Variants in FOXN2 observed in about 807,000 individuals in gnomAD.
The protein encoded by FOXN2 is forkhead box N2.
FOXN2 carries 19 observed loss-of-function variants against 41.2 expected under a neutral mutation model. The ratio of observed to expected loss-of-function variants is 0.46; its 90% CI spans 0.32 to 0.68. The LOEUF (loss-of-function observed/expected upper bound fraction) is 0.68. FOXN2 is among the 30% of genes least tolerant of loss of function. The pLI is 0.03. For synonymous variants in FOXN2, 195 were observed against 176.8 expected (o/e 1.10, Z -0.82); for missense variants, 587 against 509.4 (o/e 1.15, Z -1.47).
At position 48,375,289 on chromosome 2, in the gene FOXN2, C is replaced by T. The variant is rs201814453; in HGVS notation, c.1142C>T (p.Ser381Leu). 3.7e-6 allele frequency: 6 copies of T among 1,613,882 alleles called. No homozygotes were observed. The highest frequency in any genetic ancestry group is 5.1e-6 in the Non-Finnish European group (6 of 1,179,946). Residue 381 changes from serine (S) to leucine (L), a missense_variant, in exon 7 of 7, where the codon TCA becomes TTA. Ser to Leu is a moderately radical substitution (Grantham distance 145, BLOSUM62 -2). Coordinates refer to ENST00000340553, the MANE Select transcript of FOXN2 (RefSeq NM_002158.4). Reference sequence around the variant, plus strand: ...GCAAAAATCTCTGAAAAAGGGCAGTCAGGCAAAAAGATGCGAAAACAGACA... The same window carrying T: ...GCAAAAATCTCTGAAAAAGGGCAGTTAGGCAAAAAGATGCGAAAACAGACA... ...PCAKISEKGQ[S>L]GKKMRKQTCQ...
intron 5 of FOXN2, among the ~76,000 whole-genome samples, chr2:48,363,485 T>C (rs1467263553): frequency 6.6e-6 from 1 of 152,206 alleles, no homozygotes; most frequent in Non-Finnish European, 1.5e-5. Context: ...GTACACTGTT[T>C]ATAAAGTCTA....
intron 3 of FOXN2, among the ~76,000 whole-genome samples, chr2:48,357,876 A>G (rs1348244596): frequency 6.6e-6 from 1 of 151,866 alleles, no homozygotes; most frequent in Non-Finnish European, 1.5e-5. Flanking sequence ...AAAAAAAAAA[A>G]AAAAAGAAAA....
intron 6 of FOXN2, among the ~76,000 whole-genome samples, chr2:48,373,947 C>G (rs558209349): frequency 1.3e-5 from 2 of 151,840 alleles, no homozygotes; most frequent in Admixed American, 1.3e-4. Flanking sequence ...CCCAGCTACT[C>G]AGGAGGCTGA....
At chr2:48,360,308 T>C (rs1045686429) in intron 4 of FOXN2, among the ~76,000 whole-genome samples, 1 of 152,156 alleles carries the variant, frequency 6.6e-6, no homozygotes, top group East Asian at 1.9e-4. Context: ...GGCTAACTTG[T>C]TTTTTGAAAA....
chr2:48,334,049 GT>G (rs1378575287), intron 2 of FOXN2, among the ~76,000 whole-genome samples: 1 of 151,950 alleles, frequency 6.6e-6, no homozygotes, highest in Non-Finnish European at 1.5e-5. Flanking sequence ...TGGAAGTAAG[GT>G]TTTTTTGGTA....
chr2:48,370,251 G>C (rs1000203022), intron 5 of FOXN2, among the ~76,000 whole-genome samples: 11 of 152,112 alleles, frequency 7.2e-5, no homozygotes, highest in African/African-American at 2.4e-4. Flanking sequence ...GCTAGCGGCT[G>C]CAACTTTTCT....
intron 2 of FOXN2, chr2:48,340,617 C>T (rs1670691293): frequency 6.6e-6 from 1 of 152,118 alleles, no homozygotes; most frequent in African/African-American, 2.4e-5. Flanking sequence ...AGTGATTGTA[C>T]TGGGTTGGTT....
chr2:48,338,195 C>G (rs149436152), intron 2 of FOXN2, among the ~76,000 whole-genome samples: 42 of 152,234 alleles, frequency 2.8e-4, no homozygotes, highest in African/African-American at 9.1e-4. Context: ...AAAGTTTTCT[C>G]GATATCTCAT....
At chr2:48,322,495 T>TTGCTCA (rs1669394822) in intron 1 of FOXN2, among the ~76,000 whole-genome samples, 2 of 152,198 alleles carry the variant, frequency 1.3e-5, no homozygotes, top group African/African-American at 2.4e-5. Flanking sequence ...GCCTGTTTTC[T>TTGCTCA]TGCTCATGCT....
chr2:48,374,611 G>A (rs925866656), intron 6 of FOXN2, among the ~76,000 whole-genome samples: 3 of 152,092 alleles, frequency 2.0e-5, no homozygotes, highest in African/African-American at 7.2e-5. Flanking sequence ...TGAAAAATTG[G>A]AAACAGCCTA....
intron 2 of FOXN2, among the ~76,000 whole-genome samples, chr2:48,330,076 A>G (rs908177522): frequency 2.0e-5 from 3 of 152,116 alleles, no homozygotes; most frequent in Non-Finnish European, 4.4e-5. Flanking sequence ...ATAAATAAAA[A>G]ATTGTTTTCC....
At chr2:48,336,067 T>A (rs1416615047) in intron 2 of FOXN2, among the ~76,000 whole-genome samples, 1 of 148,340 alleles carries the variant, frequency 6.7e-6, no homozygotes. Flanking sequence ...TAAAAAGCTG[T>A]ATTATAAACC....
At chr2:48,345,055 T>A (rs1671010762) in intron 2 of FOXN2, among the ~76,000 whole-genome samples, 1 of 152,120 alleles carries the variant, frequency 6.6e-6, no homozygotes, top group Non-Finnish European at 1.5e-5. Flanking sequence ...CAAAAATAAT[T>A]TGAGAAAATA....
chr2:48,376,738 C>CAG lies in FOXN2; in HGVS notation c.*1297_*1298dup, dbSNP rs1300230908. 5 of 152,440 alleles carry CAG rather than the reference C, an allele frequency of 3.3e-5. No homozygotes were observed. The highest frequency in any genetic ancestry group is 5.9e-5 in the Non-Finnish European group (4 of 67,900). 9.4% of individuals were successfully genotyped at this position (152,440 alleles called of 1,614,324 possible). ...ATTTGTATAATTTGATTAGATTATTCAGAAACAATAGGATGCTAAACTAAT... is the reference window on the plus strand; with the variant it reads ...ATTTGTATAATTTGATTAGATTATTCAGAGAAACAATAGGATGCTAAACTAAT... On this transcript the variant is annotated 3_prime_UTR_variant, in exon 7 of 7. Transcript: ENST00000340553.
intron 3 of FOXN2, among the ~76,000 whole-genome samples, chr2:48,357,557 C>T (rs1671882452): frequency 6.6e-6 from 1 of 151,350 alleles, no homozygotes; most frequent in Non-Finnish European, 1.5e-5. Context: ...TGGCCTCAGC[C>T]TCCTGAATAG....
chr2:48,319,282 G>A (rs1001591908), intron 1 of FOXN2, among the ~76,000 whole-genome samples: 1 of 151,786 alleles, frequency 6.6e-6, no homozygotes, highest in South Asian at 2.1e-4. Context: ...AGACTGAGGA[G>A]ATAAAAAACA....
At chr2:48,354,665 T>A (rs1671672179) in intron 3 of FOXN2, among the ~76,000 whole-genome samples, 1 of 152,256 alleles carries the variant, frequency 6.6e-6, no homozygotes, top group Admixed American at 6.5e-5. Flanking sequence ...TGTTTAGCTT[T>A]TGCTAAATGT....
intron 5 of FOXN2, among the ~76,000 whole-genome samples, chr2:48,372,123 C>T (rs148088532): frequency 9.5e-4 from 144 of 152,222 alleles, no homozygotes; most frequent in East Asian, 7.0e-3. Context: ...TTAGGGGAAA[C>T]GCTTTCAGCT....
At chr2:48,344,630 T>C (rs1362441743) in intron 2 of FOXN2, among the ~76,000 whole-genome samples, 2 of 152,240 alleles carry the variant, frequency 1.3e-5, no homozygotes, top group Non-Finnish European at 2.9e-5. Flanking sequence ...GGCACTAAAG[T>C]ATTATCTAAG....
Sources: allele counts gnomAD v4.1 joint callset (sites outside exome capture counted in the v4.1 genomes callset), GRCh38; gene constraint gnomAD v4.1.1; transcripts MANE v1.5; gene names NCBI Gene and HGNC (gene_info 2026-07-23, HGNC 2026-07-21).